The following UBE2D3 variants were observed in gnomAD, a reference collection of about 807,000 sequenced individuals.
UBE2D3 encodes the protein ubiquitin conjugating enzyme E2 D3.
In UBE2D3, 2 loss-of-function variants were observed where a neutral mutation model predicts 22.8. The ratio of observed to expected loss-of-function variants is 0.09; its 90% CI spans 0.04 to 0.28. The LOEUF (loss-of-function observed/expected upper bound fraction) is 0.28, where lower values mean the gene tolerates loss of function less well. Among genes scored for constraint, UBE2D3 ranks in the 10% least tolerant of loss-of-function variants. The pLI is 1.00. For synonymous variants in UBE2D3, 56 were observed against 60.4 expected, an observed-to-expected ratio of 0.93 and a Z score of 0.34; for missense variants, 27 against 182.5, an observed-to-expected ratio of 0.15 and a Z score of 4.91.
chr4:102,858,864 G>C (rs574074014), intron 1 of UBE2D3, among the ~76,000 whole-genome samples: 2 of 151,978 alleles, frequency 1.3e-5, no homozygotes, highest in Admixed American at 6.6e-5. Flanking sequence ...TTTATATTGT[G>C]CATCAATTAA....
chr4:102,830,602 G>A (rs556281431), upstream of UBE2D3, among the ~76,000 whole-genome samples: 9 of 152,190 alleles, frequency 5.9e-5, no homozygotes, highest in Non-Finnish European at 1.2e-4. Flanking sequence ...GGTGGCTTAC[G>A]CCTGTAATCC....
chr4:102,816,906 AAGC>A (rs1463824155), intron 2 of UBE2D3, among the ~76,000 whole-genome samples: 2 of 152,230 alleles, frequency 1.3e-5, no homozygotes, highest in African/African-American at 2.4e-5. Flanking sequence ...AGCTAACAGA[AAGC>A]AGGTGCAAGA....
chr4:102,802,379 T>C (rs1726298878), intron 5 of UBE2D3, 182 bp downstream of exon 5: 2 of 402,400 alleles, frequency 5.0e-6, no homozygotes, highest in East Asian at 7.4e-5. Flanking sequence ...ACCTTATTCC[T>C]ATTTACAAAG....
intron 2 of UBE2D3, among the ~76,000 whole-genome samples, chr4:102,817,124 G>A (rs1449300193): frequency 6.6e-6 from 1 of 152,172 alleles, no homozygotes; most frequent in Non-Finnish European, 1.5e-5. Flanking sequence ...AAAGTCAGGA[G>A]TGTCAAAGAA....
chr4:102,856,155 CAGG>C (rs1196657531), intron 1 of UBE2D3, among the ~76,000 whole-genome samples: 3 of 152,178 alleles, frequency 2.0e-5, no homozygotes, highest in Admixed American at 2.0e-4. Flanking sequence ...CACTTAAGGC[CAGG>C]AGTTCAAGAC....
intron 1 of UBE2D3, among the ~76,000 whole-genome samples, chr4:102,838,531 A>T (rs951973459): frequency 6.6e-6 from 1 of 152,192 alleles, no homozygotes; most frequent in Admixed American, 6.5e-5. Context: ...GTCAGTAATG[A>T]ATAATCGAGG....
chr4:102,866,650 G>A (rs1733157276), intron 1 of UBE2D3, among the ~76,000 whole-genome samples: 10 of 152,252 alleles, frequency 6.6e-5, no homozygotes, highest in Admixed American at 5.2e-4. Flanking sequence ...AATTTATACA[G>A]TCCAGAGAAT....
intron 1 of UBE2D3, among the ~76,000 whole-genome samples, chr4:102,856,677 T>C (rs1732634892): frequency 6.6e-6 from 1 of 152,232 alleles, no homozygotes; most frequent in African/African-American, 2.4e-5. Flanking sequence ...TCAGAAGTTA[T>C]CATTTTTCTA....
chr4:102,868,603 G>T, intron 1 of UBE2D3: 1 of 1,401,776 alleles, frequency 7.1e-7, no homozygotes, highest in Non-Finnish European at 1.0e-6. Context: ...CTGGGGTCTG[G>T]GTAGGGGGAG....
intron 1 of UBE2D3, among the ~76,000 whole-genome samples, chr4:102,860,967 T>C (rs901061836): frequency 2.6e-5 from 4 of 152,014 alleles, no homozygotes; most frequent in African/African-American, 9.7e-5. Context: ...TGAAGAATCA[T>C]GTGTTGGTTG....
chr4:102,853,397 A>G (rs1202304363), intron 1 of UBE2D3, among the ~76,000 whole-genome samples: 1 of 152,062 alleles, frequency 6.6e-6, no homozygotes, highest in Non-Finnish European at 1.5e-5. Flanking sequence ...ATTCAATGAT[A>G]CTGTTTTTAA....
At chr4:102,848,921 C>CTGTGTGTGTGTG (rs147050383) in intron 1 of UBE2D3, among the ~76,000 whole-genome samples, 1 of 142,738 alleles carries the variant, frequency 7.0e-6, no homozygotes, top group African/African-American at 2.6e-5. Flanking sequence ...TTATGTGTGC[C>CTGTGTGTGTGTG]TGTGTGTGTG....
upstream of UBE2D3, chr4:102,828,010 T>A: frequency 1.0e-6 from 1 of 985,442 alleles, no homozygotes; most frequent in Non-Finnish European, 1.2e-6. Flanking sequence ...AGCTCTGCAA[T>A]GACTTAAGAG....
upstream of UBE2D3, chr4:102,828,137 T>TG (rs1730872842): frequency 1.0e-6 from 1 of 985,300 alleles, no homozygotes; most frequent in South Asian, 4.7e-5. Flanking sequence ...GCAACGCCCC[T>TG]GAATGCTTAT....
chr4:102,802,767 T>A, intron 4 of UBE2D3, 129 bp from the exon 5 acceptor site: 1 of 578,724 alleles, frequency 1.7e-6, no homozygotes, highest in Non-Finnish European at 2.8e-6. Context: ...AAATAATCTA[T>A]TCCATGAAAA....
intron 4 of UBE2D3, among the ~76,000 whole-genome samples, chr4:102,805,565 C>T (rs72939677): frequency 0.012 from 1,813 of 151,336 alleles, 35 homozygotes; most frequent in African/African-American, 0.041. Context: ...CGGCTCACTG[C>T]AACCTCCACC....
At chr4:102,866,738 G>A (rs753813617) in intron 1 of UBE2D3, among the ~76,000 whole-genome samples, 4 of 152,054 alleles carry the variant, frequency 2.6e-5, no homozygotes, top group Non-Finnish European at 2.9e-5. Context: ...AACACAGCAC[G>A]TCTTGCCCTT....
intron 1 of UBE2D3, among the ~76,000 whole-genome samples, chr4:102,844,670 A>G (rs1263435881): frequency 6.6e-6 from 1 of 152,150 alleles, no homozygotes; most frequent in Non-Finnish European, 1.5e-5. Context: ...CCAGTTGTCC[A>G]GGGTAGAGTT....
At chr4:102,857,182 GTTC>G (rs1236974507) in intron 1 of UBE2D3, among the ~76,000 whole-genome samples, 1 of 152,148 alleles carries the variant, frequency 6.6e-6, no homozygotes, top group Non-Finnish European at 1.5e-5. Flanking sequence ...TTTCTGCCCT[GTTC>G]TTCTGTAAAT....
Sources: allele counts gnomAD v4.1 joint callset (sites outside exome capture counted in the v4.1 genomes callset), GRCh38; gene constraint gnomAD v4.1.1; transcripts MANE v1.5; gene names NCBI Gene and HGNC (gene_info 2026-07-23, HGNC 2026-07-21).